The following GALNT2 variants were observed in gnomAD, a reference collection of about 807,000 sequenced individuals.
GALNT2 encodes polypeptide N-acetylgalactosaminyltransferase 2.
GALNT2 carries 31 observed loss-of-function variants against 81.4 expected under a neutral mutation model. That is an observed-to-expected ratio of 0.38 (90% CI 0.29 to 0.51). The LOEUF (loss-of-function observed/expected upper bound fraction) is 0.51, where lower values mean the gene tolerates loss of function less well. Ranked by LOEUF, GALNT2 falls within the 20% of genes least tolerant of loss-of-function variation. GALNT2 has a pLI of 0.87. For missense variants in GALNT2, 629 were observed against 765.7 expected, an observed-to-expected ratio of 0.82 and a Z score of 2.11; for synonymous variants, 303 against 287.4, an observed-to-expected ratio of 1.05 and a Z score of -0.55.
At chr1:230,230,713 G>A (rs569885374) in intron 3 of GALNT2, among the ~76,000 whole-genome samples, 1 of 152,260 alleles carries the variant, frequency 6.6e-6, no homozygotes, top group Non-Finnish European at 1.5e-5. Context: ...CATCTCTTCC[G>A]TGATAGAATC....
intron 1 of GALNT2, among the ~76,000 whole-genome samples, chr1:230,091,075 C>G (rs546775916): frequency 7.3e-5 from 11 of 151,656 alleles, no homozygotes; most frequent in African/African-American, 2.7e-4. Flanking sequence ...TTGTTTCTTT[C>G]TTTCTTTTTT....
At chr1:230,068,271 G>C (rs1190318545) in intron 1 of GALNT2, among the ~76,000 whole-genome samples, 1 of 152,252 alleles carries the variant, frequency 6.6e-6, no homozygotes, top group African/African-American at 2.4e-5. Context: ...GGACGGCCGG[G>C]CCCTGGGCAT....
intron 1 of GALNT2, among the ~76,000 whole-genome samples, chr1:230,134,992 G>A (rs1661490608): frequency 6.6e-6 from 1 of 152,208 alleles, no homozygotes; most frequent in African/African-American, 2.4e-5. Context: ...TTAAATGAGA[G>A]GAAGTATCTG....
intron 1 of GALNT2, among the ~76,000 whole-genome samples, chr1:230,117,187 C>T (rs1246984890): frequency 6.6e-6 from 1 of 152,242 alleles, no homozygotes; most frequent in South Asian, 2.1e-4. Context: ...TCCTCTTCTG[C>T]AGCTTCCTCA....
intron 2 of GALNT2, among the ~76,000 whole-genome samples, chr1:230,181,692 A>G (rs1010851423): frequency 6.6e-6 from 1 of 151,896 alleles, no homozygotes; most frequent in Non-Finnish European, 1.5e-5. Flanking sequence ...ACCCAGCCAT[A>G]CCTTTCTTTT....
chr1:230,213,966 A>G (rs1297958845), intron 3 of GALNT2, among the ~76,000 whole-genome samples: 4 of 152,064 alleles, frequency 2.6e-5, no homozygotes, highest in Admixed American at 6.5e-5. Flanking sequence ...TTATTCACAT[A>G]TTTATATTCC....
intron 1 of GALNT2, among the ~76,000 whole-genome samples, chr1:230,107,468 T>C (rs1029792460): frequency 8.5e-5 from 13 of 152,292 alleles, no homozygotes; most frequent in African/African-American, 2.9e-4. Flanking sequence ...TAGTCCCACC[T>C]ACTCGGGAGG....
At chr1:230,057,893 A>AG, upstream of GALNT2, 1 of 365,838 alleles carries the variant, frequency 2.7e-6, no homozygotes, top group South Asian at 2.0e-5. Context: ...GGAAATGGGA[A>AG]GGGGCATTGC....
At chr1:230,208,233 T>C (rs889418488) in intron 3 of GALNT2, among the ~76,000 whole-genome samples, 1 of 152,156 alleles carries the variant, frequency 6.6e-6, no homozygotes, top group African/African-American at 2.4e-5. Context: ...TAATGGAAAG[T>C]AGCATTGGTG....
At chr1:230,262,721 G>T in intron 12 of GALNT2, 56 bp downstream of exon 12, 1 of 1,458,768 alleles carries the variant, frequency 6.9e-7, no homozygotes, top group South Asian at 1.1e-5. Context: ...GTGTGGGGGT[G>T]GGAGGTAAGG....
chr1:230,260,962 T>G (rs1665859305), intron 11 of GALNT2, among the ~76,000 whole-genome samples: 2 of 152,212 alleles, frequency 1.3e-5, no homozygotes, highest in African/African-American at 2.4e-5. Flanking sequence ...GCAAACTATT[T>G]TATTTTCCCA....
At chr1:230,145,543 C>T (rs963475615) in intron 1 of GALNT2, among the ~76,000 whole-genome samples, 4 of 152,238 alleles carry the variant, frequency 2.6e-5, no homozygotes, top group Non-Finnish European at 4.4e-5. Flanking sequence ...ATGCAGCCAA[C>T]TTGGTGGTTC....
At chr1:230,119,832 G>A (rs905005785) in intron 1 of GALNT2, among the ~76,000 whole-genome samples, 1 of 152,062 alleles carries the variant, frequency 6.6e-6, no homozygotes, top group African/African-American at 2.4e-5. Context: ...TATTATTAGG[G>A]TTCACATTTT....
chr1:230,211,854 C>G (rs1037652976), intron 3 of GALNT2, among the ~76,000 whole-genome samples: 1 of 152,150 alleles, frequency 6.6e-6, no homozygotes, highest in Non-Finnish European at 1.5e-5. Flanking sequence ...ATGTCGTATA[C>G]CAGTTCCCAG....
rs537885626 is a variant in GALNT2 at position 230,133,546 on chromosome 1, C to T, written c.127-44672C>T. Among the ~76,000 whole-genome samples, 5 of 152,002 alleles carry T rather than the reference C, an allele frequency of 3.3e-5. No homozygotes were observed. The South Asian group carries it at 6.2e-4, about 19-fold the overall frequency. ...TCAGCTCACTGCAACCTCCACCTCCCGGGTTCAAGCAATTCTCCTGCCTCA... is the reference window on the plus strand; with the variant it reads ...TCAGCTCACTGCAACCTCCACCTCCTGGGTTCAAGCAATTCTCCTGCCTCA... On this transcript the variant is annotated intron_variant, in intron 1 of 15. Transcript: ENST00000366672.
In GALNT2 at chr1:230,083,954, A is replaced by C. The variant is rs561728769; in HGVS notation, c.126+16548A>C. ...GCACATGGAGGAGCTGGAGCCGTGGACAGGCCTGAGCTCATCTCCATCAGC... is the reference window on the plus strand; with the variant it reads ...GCACATGGAGGAGCTGGAGCCGTGGCCAGGCCTGAGCTCATCTCCATCAGC... On this transcript the variant is annotated intron_variant, in intron 1 of 15. Coordinates refer to ENST00000366672, the MANE Select transcript of GALNT2 (RefSeq NM_004481.5). Among the ~76,000 whole-genome samples, 5 of 152,254 alleles carry C rather than the reference A, an allele frequency of 3.3e-5. No individual in the cohort carries two copies. In the East Asian group the frequency reaches 9.7e-4, roughly 30 times the overall value.
intron 11 of GALNT2, among the ~76,000 whole-genome samples, chr1:230,261,138 T>C (rs998649631): frequency 8.6e-5 from 13 of 151,058 alleles, no homozygotes; most frequent in African/African-American, 2.9e-4. Context: ...TATTTTCACA[T>C]GTATATTTCA....
intron 3 of GALNT2, among the ~76,000 whole-genome samples, chr1:230,206,933 T>C (rs144142869): frequency 0.03 from 4,592 of 152,000 alleles, 121 homozygotes; most frequent in Middle Eastern, 0.082. Context: ...CTCAGTGAGG[T>C]ATCCCTTGAC....
At chr1:230,165,411 C>G (rs923295355) in intron 1 of GALNT2, among the ~76,000 whole-genome samples, 2 of 152,146 alleles carry the variant, frequency 1.3e-5, no homozygotes, top group Non-Finnish European at 2.9e-5. Flanking sequence ...TCTGTTTTTT[C>G]TCTTATAAAT....
Sources: allele counts gnomAD v4.1 joint callset (sites outside exome capture counted in the v4.1 genomes callset), GRCh38; gene constraint gnomAD v4.1.1; transcripts MANE v1.5; gene names NCBI Gene and HGNC (gene_info 2026-07-23, HGNC 2026-07-21).